Variants in ADCK1 observed in about 807,000 individuals in gnomAD.
ADCK1 encodes the protein aarF domain containing kinase 1.
In ADCK1, 41 loss-of-function variants were observed where a neutral mutation model predicts 52.3. The observed-to-expected ratio is 0.78, with a 90% CI of 0.61 to 1.02. ADCK1 has a LOEUF of 1.02. Among genes scored for constraint, ADCK1 ranks in the 50% least tolerant of loss-of-function variants. The pLI, the probability that ADCK1 is intolerant of heterozygous loss-of-function variation, is 0.00. For missense variants in ADCK1, 658 were observed against 679.5 expected (o/e 0.97, Z 0.35); for synonymous variants, 250 against 274.6 (o/e 0.91, Z 0.89).
chr14:77,866,956 A>G (rs977779952), intron 4 of ADCK1, among the ~76,000 whole-genome samples: 5 of 152,000 alleles, frequency 3.3e-5, no homozygotes, highest in Non-Finnish European at 5.9e-5. Flanking sequence ...AGGCTCTCAT[A>G]TTGTTTGCTT....
At chr14:77,924,884 G>T (rs551774142) in intron 8 of ADCK1, among the ~76,000 whole-genome samples, 1 of 152,354 alleles carries the variant, frequency 6.6e-6, no homozygotes, top group South Asian at 2.1e-4. Flanking sequence ...TTCCCATGGA[G>T]CCCCAGGCCA....
At chr14:77,887,014 T>C in intron 4 of ADCK1, 77 bp from the exon 5 acceptor site, 2 of 1,464,874 alleles carry the variant, frequency 1.4e-6, no homozygotes, top group Non-Finnish European at 1.8e-6. Flanking sequence ...CAGCCCTGAC[T>C]CTGGCCCATC....
chr14:77,839,588 GCCTCC>G (rs1176260399), intron 3 of ADCK1, among the ~76,000 whole-genome samples: 3 of 152,234 alleles, frequency 2.0e-5, no homozygotes, highest in Non-Finnish European at 4.4e-5. Context: ...CACAATGCAG[GCCTCC>G]CCTTCCCGGT....
intron 3 of ADCK1, among the ~76,000 whole-genome samples, chr14:77,840,293 CAGAG>C (rs2082039994): frequency 6.6e-6 from 1 of 151,804 alleles, no homozygotes; most frequent in Non-Finnish European, 1.5e-5. Flanking sequence ...AAGGTGTCAG[CAGAG>C]CTGCGATTCT....
chr14:77,883,638 G>C (rs1232668463), intron 4 of ADCK1, among the ~76,000 whole-genome samples: 1 of 152,170 alleles, frequency 6.6e-6, no homozygotes, highest in African/African-American at 2.4e-5. Context: ...AAGCACAGGA[G>C]GGTGTGGGCG....
chr14:77,919,903 T>C (rs543136009), intron 7 of ADCK1, among the ~76,000 whole-genome samples: 1 of 152,244 alleles, frequency 6.6e-6, no homozygotes, highest in Non-Finnish European at 1.5e-5. Flanking sequence ...TGTCTATTCA[T>C]GTCCTTAGCC....
At chr14:77,894,379 A>C (rs2083351984) in intron 5 of ADCK1, among the ~76,000 whole-genome samples, 1 of 152,136 alleles carries the variant, frequency 6.6e-6, no homozygotes, top group African/African-American at 2.4e-5. Context: ...TTTCTTTTAT[A>C]ATGTACAGTA....
intron 3 of ADCK1, among the ~76,000 whole-genome samples, chr14:77,848,071 A>T (rs1862125): frequency 3.9e-5 from 6 of 152,022 alleles, no homozygotes; most frequent in Admixed American, 6.6e-5. Context: ...TCTTTTAAAA[A>T]TTTTTTAAAA....
At chr14:77,883,712 T>G (rs926597264) in intron 4 of ADCK1, among the ~76,000 whole-genome samples, 2 of 151,440 alleles carry the variant, frequency 1.3e-5, no homozygotes, top group Non-Finnish European at 2.9e-5. Flanking sequence ...GGTGGTGGGG[T>G]GGGGTGTCTG....
intron 5 of ADCK1, among the ~76,000 whole-genome samples, chr14:77,892,929 C>T (rs2083313364): frequency 6.6e-6 from 1 of 152,184 alleles, no homozygotes; most frequent in African/African-American, 2.4e-5. Context: ...TTTGTGTCTC[C>T]TGTGAACCTT....
At chr14:77,837,382 C>T (rs2081983813) in intron 3 of ADCK1, among the ~76,000 whole-genome samples, 1 of 152,204 alleles carries the variant, frequency 6.6e-6, no homozygotes, top group Non-Finnish European at 1.5e-5. Flanking sequence ...AAGTGATCTG[C>T]CTGCCTCAGC....
intron 1 of ADCK1, among the ~76,000 whole-genome samples, chr14:77,801,667 C>T (rs1231501699): frequency 6.6e-6 from 1 of 151,924 alleles, no homozygotes; most frequent in African/African-American, 2.4e-5. Flanking sequence ...GGGCCGGGTG[C>T]GGTGGCTCAC....
At chr14:77,850,504 T>C (rs963104901) in intron 3 of ADCK1, among the ~76,000 whole-genome samples, 1 of 152,228 alleles carries the variant, frequency 6.6e-6, no homozygotes, top group African/African-American at 2.4e-5. Flanking sequence ...TTTAGGATGG[T>C]ATATCCTCTT....
intron 5 of ADCK1, among the ~76,000 whole-genome samples, chr14:77,897,417 G>T (rs1199475255): frequency 6.6e-6 from 1 of 152,190 alleles, no homozygotes; most frequent in Non-Finnish European, 1.5e-5. Flanking sequence ...CAGGGCCCTG[G>T]TGGTGGGGCA....
chr14:77,852,673 A>ATATAT (rs2082317536), intron 3 of ADCK1, among the ~76,000 whole-genome samples: 1 of 18,132 alleles, frequency 5.5e-5, no homozygotes, highest in African/African-American at 1.5e-4. Flanking sequence ...ATATATATAT[A>ATATAT]TATATATATA....
chr14:77,860,180 A>C (rs1035542268), intron 4 of ADCK1, among the ~76,000 whole-genome samples: 1 of 152,196 alleles, frequency 6.6e-6, no homozygotes, highest in Admixed American at 6.5e-5. Context: ...TGCTCCCTGC[A>C]CTTGTGCAAC....
intron 7 of ADCK1, chr14:77,924,209 C>T (rs555616883): frequency 8.9e-4 from 419 of 469,046 alleles, no homozygotes; most frequent in Non-Finnish European, 1.2e-3. Context: ...CACGTCACCT[C>T]GAACTTTAAA....
chr14:77,812,027 C>G (rs1468239333), intron 1 of ADCK1, among the ~76,000 whole-genome samples: 1 of 152,082 alleles, frequency 6.6e-6, no homozygotes, highest in Non-Finnish European at 1.5e-5. Context: ...ATAATTGTAT[C>G]TATTCAAGGT....
intron 4 of ADCK1, among the ~76,000 whole-genome samples, chr14:77,864,147 G>C (rs1203906279): frequency 6.6e-6 from 1 of 152,150 alleles, no homozygotes; most frequent in African/African-American, 2.4e-5. Flanking sequence ...CTGTGTTCTT[G>C]ATGCACCATC....
Sources: gnomAD v4.1 joint callset for allele counts (sites outside exome capture counted in the v4.1 genomes callset) on GRCh38, gnomAD v4.1.1 for gene constraint, MANE v1.5 for transcripts, NCBI Gene and HGNC (gene_info 2026-07-23, HGNC 2026-07-21) for gene names.